The following SLC17A1 variants were observed in gnomAD, a reference collection of about 807,000 sequenced individuals.
SLC17A1 encodes the protein sodium-dependent phosphate transport protein 1.
Under a neutral mutation model 53.5 loss-of-function variants are expected in SLC17A1, and 51 were observed. The ratio of observed to expected loss-of-function variants is 0.95; its 90% CI spans 0.76 to 1.20. The LOEUF is 1.20. SLC17A1 is among the 50% of genes most tolerant of loss of function. The pLI is 0.00. For missense variants in SLC17A1, 538 were observed against 568.2 expected (o/e 0.95, Z 0.54); for synonymous variants, 179 against 198.8 (o/e 0.90, Z 0.84).
chr6:25,766,239 C>G, the SLC17A1 span, among the ~76,000 whole-genome samples: 12,000 of 151,208 alleles, frequency 0.079, 893 homozygotes, highest in African/African-American at 0.2. Flanking sequence ...CAAAAAACAA[C>G]TAAGAAATGA....
chr6:25,776,765 G>C, the SLC17A1 span: 1 of 1,613,820 alleles, frequency 6.2e-7, no homozygotes, highest in African/African-American at 1.3e-5. Flanking sequence ...AACGTGGGAA[G>C]CTCAGAGCAG....
At chr6:25,798,040 A>G (rs1763640047) in intron 12 of SLC17A1, among the ~76,000 whole-genome samples, 1 of 152,208 alleles carries the variant, frequency 6.6e-6, no homozygotes, top group African/African-American at 2.4e-5. Context: ...TGATTTTCTT[A>G]GCAAGATATT....
At chr6:25,727,398 G>T in the SLC17A1 span, 1 of 888,116 alleles carries the variant, frequency 1.1e-6, no homozygotes, top group South Asian at 2.3e-5. Context: ...TAACCGTAAG[G>T]GTTTTTTTTT....
chr6:25,789,734 A>G (rs1270643245), intron 12 of SLC17A1, among the ~76,000 whole-genome samples: 2 of 152,216 alleles, frequency 1.3e-5, no homozygotes, highest in Non-Finnish European at 2.9e-5. Context: ...CATCAAAGTC[A>G]AGGAAAGACT....
downstream of SLC17A1, chr6:25,778,922 C>A: frequency 1.7e-6 from 2 of 1,144,032 alleles, no homozygotes; most frequent in Non-Finnish European, 2.5e-6. Flanking sequence ...TATTCTAGGA[C>A]CAACTGGGAA....
chr6:25,823,408 G>T (rs1230781988), intron 3 of SLC17A1, among the ~76,000 whole-genome samples: 1 of 152,070 alleles, frequency 6.6e-6, no homozygotes, highest in African/African-American at 2.4e-5. Context: ...ATTCCAAAGT[G>T]GTTGTACCAC....
chr6:25,727,383 G>GT, the SLC17A1 span: 1 of 1,016,678 alleles, frequency 9.8e-7, no homozygotes, highest in Admixed American at 2.9e-5. Context: ...TTTTTGTGTA[G>GT]TTTCTAACCG....
At chr6:25,727,360 G>A in the SLC17A1 span, 5 of 1,390,832 alleles carry the variant, frequency 3.6e-6, no homozygotes, top group Non-Finnish European at 4.8e-6. Context: ...TACTGAAACA[G>A]CTGTGGGCTT....
chr6:25,753,986 A>G, the SLC17A1 span, among the ~76,000 whole-genome samples: 1 of 152,190 alleles, frequency 6.6e-6, no homozygotes, highest in African/African-American at 2.4e-5. Flanking sequence ...ACAACCAATG[A>G]GACACGAGGA....
chr6:25,756,428 G>T, the SLC17A1 span, among the ~76,000 whole-genome samples: 1 of 152,130 alleles, frequency 6.6e-6, no homozygotes, highest in Non-Finnish European at 1.5e-5. Flanking sequence ...CTCCTCTCCT[G>T]ATGCTAATGA....
At chr6:25,736,806 C>A in the SLC17A1 span, among the ~76,000 whole-genome samples, 5 of 152,108 alleles carry the variant, frequency 3.3e-5, no homozygotes, top group African/African-American at 1.2e-4. Context: ...AAATTAACAC[C>A]CTATTATCTT....
chr6:25,770,876 G>C, the SLC17A1 span: 3 of 1,410,104 alleles, frequency 2.1e-6, no homozygotes, highest in Non-Finnish European at 3.0e-6. Context: ...AGCACATAGA[G>C]CCCCAAGACG....
chr6:25,787,382 C>CCTCACTG (rs1205015386), intron 12 of SLC17A1, among the ~76,000 whole-genome samples: 1 of 151,938 alleles, frequency 6.6e-6, no homozygotes, highest in Non-Finnish European at 1.5e-5. Context: ...AGGTAGGCTG[C>CCTCACTG]CTCACTGCAG....
the SLC17A1 span, among the ~76,000 whole-genome samples, chr6:25,746,278 G>A: frequency 5.9e-5 from 9 of 152,014 alleles, no homozygotes; most frequent in African/African-American, 1.7e-4. Flanking sequence ...ATGATCCTTC[G>A]GCAGCTTATT....
chr6:25,726,728 C>G, the SLC17A1 span: 2 of 1,053,520 alleles, frequency 1.9e-6, no homozygotes, highest in African/African-American at 3.2e-5. Flanking sequence ...CCGAACGCGG[C>G]GTTTGAGGGC....
At chr6:25,744,058 G>A in the SLC17A1 span, among the ~76,000 whole-genome samples, 1 of 152,192 alleles carries the variant, frequency 6.6e-6, no homozygotes, top group Non-Finnish European at 1.5e-5. Flanking sequence ...AGGCACTAGG[G>A]TGTGGCCAGC....
the SLC17A1 span, among the ~76,000 whole-genome samples, chr6:25,739,155 A>G: frequency 3.3e-5 from 5 of 152,174 alleles, no homozygotes; most frequent in Admixed American, 2.0e-4. Context: ...ACAGTTCTGA[A>G]ATCTGGGAAG....
chr6:25,762,164 A>AT, the SLC17A1 span: 2 of 838,618 alleles, frequency 2.4e-6, no homozygotes, highest in Non-Finnish European at 3.7e-6. Flanking sequence ...GATACACATC[A>AT]TTTTCCTTGC....
the SLC17A1 span, among the ~76,000 whole-genome samples, chr6:25,763,993 A>G: frequency 6.6e-6 from 1 of 152,236 alleles, no homozygotes; most frequent in Non-Finnish European, 1.5e-5. Flanking sequence ...AGCAAAAGTC[A>G]GGTTGGTTAC....
Sources: allele counts gnomAD v4.1 joint callset (sites outside exome capture counted in the v4.1 genomes callset), GRCh38; gene constraint gnomAD v4.1.1; transcripts MANE v1.5; gene names NCBI Gene and HGNC (gene_info 2026-07-23, HGNC 2026-07-21).